TTC28: variants seen among roughly 807,000 people sequenced by gnomAD.
The protein encoded by TTC28 is tetratricopeptide repeat protein 28.
In TTC28, 61 loss-of-function variants were observed where a neutral mutation model predicts 198.0. The ratio of observed to expected loss-of-function variants is 0.31; its 90% CI spans 0.25 to 0.38. TTC28 has a LOEUF of 0.38. Among genes scored for constraint, TTC28 ranks in the 10% least tolerant of loss-of-function variants. The probability of loss-of-function intolerance (pLI) is 1.00; values close to 1 mark genes in which losing one functional copy is unlikely to be tolerated. For synonymous variants in TTC28, 1,171 were observed against 1,297.8 expected, an observed-to-expected ratio of 0.90 and a Z score of 2.10; for missense variants, 2,678 against 3,164.0, an observed-to-expected ratio of 0.85 and a Z score of 3.69.
intron 2 of TTC28, among the ~76,000 whole-genome samples, chr22:28,607,629 T>A (rs1360614119): frequency 1.3e-5 from 2 of 152,224 alleles, no homozygotes; most frequent in Admixed American, 6.5e-5. Context: ...TTAAGACTTT[T>A]GGAATAGGTA....
At chr22:28,287,529 T>C (rs1334866815) in intron 5 of TTC28, among the ~76,000 whole-genome samples, 5 of 151,950 alleles carry the variant, frequency 3.3e-5, no homozygotes, top group Admixed American at 6.6e-5. Context: ...CAACTAAACC[T>C]GAAAAAGGAA....
At chr22:28,152,692 C>T (rs1350642001) in intron 6 of TTC28, among the ~76,000 whole-genome samples, 1 of 152,116 alleles carries the variant, frequency 6.6e-6, no homozygotes, top group Non-Finnish European at 1.5e-5. Flanking sequence ...GAATATGACC[C>T]CATATATCAT....
chr22:28,304,769 A>T (rs2045102833), intron 3 of TTC28, among the ~76,000 whole-genome samples: 1 of 152,136 alleles, frequency 6.6e-6, no homozygotes, highest in African/African-American at 2.4e-5. Context: ...AGCACCTCAG[A>T]ATAAAGAGGT....
chr22:28,121,984 C>T (rs1942799581), intron 6 of TTC28, among the ~76,000 whole-genome samples: 2 of 152,198 alleles, frequency 1.3e-5, no homozygotes, highest in Admixed American at 1.3e-4. Flanking sequence ...TCTCCTGCCT[C>T]AGCCTCCTGA....
At chr22:28,467,114 C>T (rs940431390) in intron 2 of TTC28, among the ~76,000 whole-genome samples, 2 of 152,144 alleles carry the variant, frequency 1.3e-5, no homozygotes, top group African/African-American at 2.4e-5. Context: ...TAAACGAATG[C>T]TTTCATTTGT....
intron 5 of TTC28, among the ~76,000 whole-genome samples, chr22:28,209,358 G>A (rs909775872): frequency 5.3e-5 from 8 of 152,306 alleles, no homozygotes; most frequent in East Asian, 1.9e-4. Context: ...CCCAGGAAGC[G>A]CAAGGGGTCA....
At chr22:28,662,836 C>T (rs1028743222) in intron 1 of TTC28, among the ~76,000 whole-genome samples, 5 of 152,164 alleles carry the variant, frequency 3.3e-5, no homozygotes, top group Non-Finnish European at 7.4e-5. Context: ...ATATTCAAAA[C>T]TCCTGTTGCT....
intron 2 of TTC28, among the ~76,000 whole-genome samples, chr22:28,355,129 T>C (rs1197895066): frequency 6.6e-6 from 1 of 152,108 alleles, no homozygotes; most frequent in African/African-American, 2.4e-5. Context: ...CATTCTCACA[T>C]AAACTTCATA....
intron 1 of TTC28, among the ~76,000 whole-genome samples, chr22:28,643,442 A>G (rs1392666190): frequency 6.6e-6 from 1 of 152,216 alleles, no homozygotes; most frequent in Non-Finnish European, 1.5e-5. Context: ...CCTGAAGCAC[A>G]ATTGCCATTG....
intron 2 of TTC28, among the ~76,000 whole-genome samples, chr22:28,386,573 T>C (rs1433670487): frequency 6.6e-6 from 1 of 152,138 alleles, no homozygotes; most frequent in African/African-American, 2.4e-5. Flanking sequence ...TATTTGTCCT[T>C]GAATGGGTAT....
In TTC28 at chr22:27,999,177, G is replaced by A. The variant is rs1380658020; in HGVS notation, c.4482C>T (p.Ala1494=). ...AVIGNPKLPS[A]VMDRWLWGPM... ...GCCCCCACAGCCACCTGTCCATCAC[G>A]GCCGATGGTAGCTTGGGGTTGCCGA... Residue 1494 remains alanine (A), a synonymous_variant, in exon 16 of 23, where the codon GCC becomes GCT. Coordinates refer to ENST00000397906, the MANE Select transcript of TTC28 (RefSeq NM_001145418.2). 1.0e-5 allele frequency: 16 copies of A among 1,550,716 alleles called. No individual in the cohort carries two copies. Among genetic ancestry groups the A allele is most frequent in the South Asian group, 9.5e-5 (8 of 84,062 alleles).
intron 5 of TTC28, among the ~76,000 whole-genome samples, chr22:28,241,662 A>G (rs1316190356): frequency 6.6e-6 from 1 of 152,154 alleles, no homozygotes; most frequent in Non-Finnish European, 1.5e-5. Flanking sequence ...TAATTATTGA[A>G]TCTGGGTAAA....
intron 11 of TTC28, among the ~76,000 whole-genome samples, 151 bp from the exon 12 acceptor site, chr22:28,094,396 G>T (rs1217846154): frequency 6.6e-6 from 1 of 152,186 alleles, no homozygotes; most frequent in Non-Finnish European, 1.5e-5. Context: ...GAAATCCAAG[G>T]TCTCAAGAGG....
At chr22:28,498,661 C>G (rs947211549) in intron 2 of TTC28, among the ~76,000 whole-genome samples, 2 of 152,054 alleles carry the variant, frequency 1.3e-5, no homozygotes, top group Non-Finnish European at 2.9e-5. Context: ...ATTTTTTGAT[C>G]TGAGGGAACA....
chr22:28,182,589 C>A (rs1923802298), intron 5 of TTC28, among the ~76,000 whole-genome samples: 1 of 151,926 alleles, frequency 6.6e-6, no homozygotes, highest in Non-Finnish European at 1.5e-5. Context: ...TAAGAAACAA[C>A]TAAGAACTTC....
chr22:28,290,600 A>G (rs988597169), intron 5 of TTC28, among the ~76,000 whole-genome samples: 1 of 152,206 alleles, frequency 6.6e-6, no homozygotes, highest in Non-Finnish European at 1.5e-5. Flanking sequence ...CATACCATCA[A>G]AAACTATTTT....
intron 2 of TTC28, among the ~76,000 whole-genome samples, chr22:28,321,800 A>G (rs2045450242): frequency 6.6e-6 from 1 of 152,194 alleles, no homozygotes; most frequent in South Asian, 2.1e-4. Flanking sequence ...GGACTTTTTA[A>G]TTCTAAAATA....
chr22:28,537,649 C>A (rs1365155580), intron 2 of TTC28, among the ~76,000 whole-genome samples: 1 of 151,902 alleles, frequency 6.6e-6, no homozygotes, highest in Non-Finnish European at 1.5e-5. Context: ...TACATGTTTA[C>A]AAAAATAGCA....
intron 6 of TTC28, among the ~76,000 whole-genome samples, chr22:28,135,748 A>C (rs1279763241): frequency 6.6e-6 from 1 of 152,216 alleles, no homozygotes; most frequent in Non-Finnish European, 1.5e-5. Flanking sequence ...AGTGAAGGGG[A>C]GAAAACACAG....
Sources: gnomAD v4.1 joint callset for allele counts (sites outside exome capture counted in the v4.1 genomes callset) on GRCh38, gnomAD v4.1.1 for gene constraint, MANE v1.5 for transcripts, NCBI Gene and HGNC (gene_info 2026-07-23, HGNC 2026-07-21) for gene names.